The following JMY variants were observed in gnomAD, a reference collection of about 807,000 sequenced individuals.
JMY encodes the protein junction-mediating and -regulatory protein.
JMY carries 46 observed loss-of-function variants against 103.3 expected under a neutral mutation model. That is an observed-to-expected ratio of 0.45 (90% CI 0.35 to 0.57). The LOEUF (loss-of-function observed/expected upper bound fraction) is 0.57. Among genes scored for constraint, JMY ranks in the 20% least tolerant of loss-of-function variants. JMY has a pLI of 0.00. For missense variants in JMY, 1,238 were observed against 1,255.2 expected (o/e 0.99, Z 0.21); for synonymous variants, 526 against 489.3 (o/e 1.07, Z -0.99).
intron 6 of JMY, among the ~76,000 whole-genome samples, chr5:79,305,950 T>C (rs1383194884): frequency 6.6e-6 from 1 of 152,090 alleles, no homozygotes; most frequent in Non-Finnish European, 1.5e-5. Flanking sequence ...TCCCAGTAAC[T>C]CAGGAGGCTG....
intron 2 of JMY, among the ~76,000 whole-genome samples, chr5:79,283,105 C>T (rs1746170340): frequency 6.6e-6 from 1 of 152,012 alleles, no homozygotes; most frequent in South Asian, 2.1e-4. Flanking sequence ...AATTCTCCTG[C>T]CTCAGCCTCC....
In JMY at chr5:79,290,194, G is replaced by A. The variant is rs770095833; in HGVS notation, c.1280G>A (p.Arg427Gln). The A allele has an allele frequency of 2.7e-5, 43 of 1,597,268 alleles. No homozygotes were observed. Among genetic ancestry groups the A allele is most frequent in the East Asian group, 1.8e-4 (8 of 44,206 alleles). The change falls in exon 3 of 11, where the codon CGG (arginine) becomes CAG (glutamine). Residue 427 changes from arginine to glutamine, a missense_variant. Transcript: ENST00000396137. ...SLQKEDADWQ[R>Q]KAHMAVLSIQ... ...CAAAAAGAAGATGCTGATTGGCAGC[G>A]GAAAGCTCACATGGCTGTACTGTCT...
chr5:79,241,749 G>T (rs1479826003), intron 1 of JMY, among the ~76,000 whole-genome samples: 1 of 152,222 alleles, frequency 6.6e-6, no homozygotes, highest in Non-Finnish European at 1.5e-5. Flanking sequence ...CAAGTGAAAG[G>T]TGAAATTTGT....
At position 79,273,647 on chromosome 5, in the gene JMY, C is replaced by G. The variant is rs79006779; in HGVS notation, c.1033-4263C>G. Among the ~76,000 whole-genome samples the G allele has an allele frequency of 3.5e-3, 537 of 152,172 alleles. 4 individuals carry two copies. The highest frequency in any genetic ancestry group is 0.011 in the African/African-American group (462 of 41,508). ...ACTTCAGTTCAATATATGTTAAGAC[C>G]TTTTGGCCAGGTACAATGGCGTACG... On this transcript the variant is annotated intron_variant, in intron 1 of 10. Coordinates refer to ENST00000396137, the MANE Select transcript of JMY (RefSeq NM_152405.5).
At position 79,278,007 on chromosome 5, in the gene JMY, C is replaced by G; in HGVS notation, c.1130C>G (p.Thr377Ser). Reference protein sequence around the residue: ...EAYSSLAEATTELYQYLLQPF... With the variant: ...EAYSSLAEATSELYQYLLQPF... ...TACAGCAGCCTTGCAGAAGCTACAACCGAACTCTATCAGTATTTACTACAG... is the reference window on the plus strand; with the variant it reads ...TACAGCAGCCTTGCAGAAGCTACAAGCGAACTCTATCAGTATTTACTACAG... Residue 377 changes from threonine to serine, a missense_variant, in exon 2 of 11, where the codon ACC becomes AGC. Physicochemically the swap from Thr to Ser is moderately conservative, Grantham distance 58. Coordinates refer to ENST00000396137, the MANE Select transcript of JMY (RefSeq NM_152405.5). 6.2e-7 allele frequency: 1 copy of G among 1,614,034 alleles called. No individual in the cohort carries two copies. The highest frequency in any genetic ancestry group is 8.5e-7 in the Non-Finnish European group (1 of 1,179,962).
chr5:79,303,523 T>C (rs1746798434), intron 6 of JMY, among the ~76,000 whole-genome samples: 1 of 151,972 alleles, frequency 6.6e-6, no homozygotes, highest in South Asian at 2.1e-4. Context: ...TGGCTAGGGG[T>C]GAGAAAGCAT....
Position 79,237,106 on chromosome 5 carries a change from G to A in JMY, c.456G>A (p.Gln152=). 2 of 1,548,602 alleles carry A rather than the reference G, an allele frequency of 1.3e-6. No homozygotes were observed. Among genetic ancestry groups the A allele is most frequent in the Non-Finnish European group, 1.7e-6 (2 of 1,145,800 alleles). ...SPVRAKPIPG[Q]KTSEADDAAG... is the part of the protein sequence containing the mutation. ...TGCGGGCCAAACCCATCCCGGGTCA[G>A]AAAACATCTGAAGCCGACGATGCGG... Residue 152 remains glutamine (Q), a synonymous_variant, in exon 1 of 11, where the codon CAG becomes CAA. Coordinates refer to ENST00000396137, the MANE Select transcript of JMY (RefSeq NM_152405.5).
chr5:79,270,240 C>T (rs1282624734), intron 1 of JMY, among the ~76,000 whole-genome samples: 1 of 149,778 alleles, frequency 6.7e-6, no homozygotes, highest in Non-Finnish European at 1.5e-5. Context: ...ATAGTGGGAA[C>T]ACCATTAAAT....
At chr5:79,258,225 T>C (rs1220167683) in intron 1 of JMY, among the ~76,000 whole-genome samples, 1 of 151,998 alleles carries the variant, frequency 6.6e-6, no homozygotes, top group Non-Finnish European at 1.5e-5. Context: ...GTTTCTACAA[T>C]ATTTATCTTT....
intron 8 of JMY, among the ~76,000 whole-genome samples, chr5:79,313,133 G>GA (rs1259400137): frequency 1.1e-4 from 16 of 152,124 alleles, no homozygotes; most frequent in Non-Finnish European, 1.6e-4. Context: ...TGAGGCAGGG[G>GA]AAAAGCCTTG....
intron 10 of JMY, 27 bp downstream of exon 10, chr5:79,316,337 C>T: frequency 1.3e-6 from 2 of 1,519,082 alleles, no homozygotes; most frequent in African/African-American, 1.4e-5. Context: ...TCTTTAGTAG[C>T]ATTCAGTAAT....
chr5:79,289,915 G>A (rs983006086), intron 2 of JMY, among the ~76,000 whole-genome samples: 1 of 152,002 alleles, frequency 6.6e-6, no homozygotes, highest in Admixed American at 6.5e-5. Flanking sequence ...AGTGAGAGGG[G>A]GATGGAAGAA....
intron 7 of JMY, among the ~76,000 whole-genome samples, chr5:79,312,107 G>A (rs549392369): frequency 5.3e-5 from 8 of 152,216 alleles, no homozygotes; most frequent in East Asian, 3.9e-4. Flanking sequence ...GTGAGCCACC[G>A]TGTCTGGCTG....
intron 7 of JMY, among the ~76,000 whole-genome samples, 164 bp downstream of exon 7, chr5:79,306,625 G>A (rs530380599): frequency 2.6e-5 from 4 of 152,264 alleles, no homozygotes; most frequent in African/African-American, 9.6e-5. Context: ...AGAATACAGA[G>A]TTCCTATACC....
intron 1 of JMY, among the ~76,000 whole-genome samples, chr5:79,265,167 G>A (rs569865449): frequency 2.6e-5 from 4 of 152,154 alleles, no homozygotes; most frequent in South Asian, 4.1e-4. Flanking sequence ...CTCGTGATCC[G>A]CCCGCCTTGG....
At chr5:79,240,692 G>C (rs1168523460) in intron 1 of JMY, among the ~76,000 whole-genome samples, 1 of 152,182 alleles carries the variant, frequency 6.6e-6, no homozygotes, top group Admixed American at 6.5e-5. Flanking sequence ...GGAAGATTGT[G>C]TCTTTAGATT....
intron 10 of JMY, among the ~76,000 whole-genome samples, chr5:79,320,452 C>T (rs776034334): frequency 1.3e-5 from 2 of 151,652 alleles, no homozygotes; most frequent in African/African-American, 4.8e-5. Flanking sequence ...TCTGGGATTA[C>T]AGGCGCACCA....
intron 4 of JMY, among the ~76,000 whole-genome samples, chr5:79,296,573 C>A (rs752379073): frequency 1.5e-4 from 23 of 152,236 alleles, no homozygotes; most frequent in Non-Finnish European, 2.1e-4. Context: ...GCTCAAACTC[C>A]TGGGACTCAG....
chr5:79,284,787 A>T, intron 2 of JMY: 11 of 1,577,012 alleles, frequency 7.0e-6, no homozygotes, highest in Non-Finnish European at 9.5e-6. Flanking sequence ...GCATCTTTCC[A>T]ATATTTCTTA....
Sources: gnomAD v4.1 joint callset for allele counts (sites outside exome capture counted in the v4.1 genomes callset) on GRCh38, gnomAD v4.1.1 for gene constraint, MANE v1.5 for transcripts, NCBI Gene and HGNC (gene_info 2026-07-23, HGNC 2026-07-21) for gene names.